BMPR2: variants seen among roughly 807,000 people sequenced by gnomAD.
BMPR2 encodes bone morphogenetic protein receptor type 2.
In BMPR2, 29 loss-of-function variants were observed where a neutral mutation model predicts 100.8. The observed-to-expected ratio is 0.29, with a 90% CI of 0.21 to 0.39. BMPR2 has a LOEUF of 0.39. BMPR2 is among the 10% of genes least tolerant of loss of function. The pLI is 1.00. For synonymous variants in BMPR2, 382 were observed against 442.3 expected, an observed-to-expected ratio of 0.86 and a Z score of 1.71; for missense variants, 1,011 against 1,274.5, an observed-to-expected ratio of 0.79 and a Z score of 3.15.
chr2:202,481,124 A>G (rs1692651579), intron 3 of BMPR2, among the ~76,000 whole-genome samples: 1 of 152,056 alleles, frequency 6.6e-6, no homozygotes, highest in African/African-American at 2.4e-5. Flanking sequence ...AAATAGAGAA[A>G]GCTGAGTTCT....
rs532155432 is a variant in BMPR2, at chr2:202,412,295, A to G, written c.76+34745A>G. 5.3e-5 allele frequency among the ~76,000 whole-genome samples: 8 copies of G among 152,314 alleles called. No homozygotes were observed. In the South Asian group the frequency reaches 1.7e-3, roughly 32 times the overall value. On this transcript the variant is annotated intron_variant, in intron 1 of 12. Coordinates refer to ENST00000374580, the MANE Select transcript of BMPR2 (RefSeq NM_001204.7). Reference sequence around the variant, plus strand: ...AAACAAAACGAAATCACCAAAATCTATCAATAAATTTCAGGTAATACTTTT... The same window carrying G: ...AAACAAAACGAAATCACCAAAATCTGTCAATAAATTTCAGGTAATACTTTT...
intron 3 of BMPR2, among the ~76,000 whole-genome samples, chr2:202,507,210 CTT>C (rs1302107602): frequency 6.6e-6 from 1 of 151,940 alleles, no homozygotes; most frequent in South Asian, 2.1e-4. Flanking sequence ...TTGGAAGAGT[CTT>C]TTCATATTCT....
chr2:202,511,080 A>G (rs1687615474), intron 3 of BMPR2, among the ~76,000 whole-genome samples: 1 of 151,104 alleles, frequency 6.6e-6, no homozygotes. Context: ...TTGTGCAACT[A>G]TTACCTCTGT....
At chr2:202,396,819 C>T (rs925916113) in intron 1 of BMPR2, among the ~76,000 whole-genome samples, 25 of 150,506 alleles carry the variant, frequency 1.7e-4, no homozygotes, top group Admixed American at 9.9e-4. Context: ...AACGGAGTTT[C>T]GGAGTTTCGC....
chr2:202,448,924 GGTGTGT>G (rs55680029), intron 1 of BMPR2, among the ~76,000 whole-genome samples: 16,106 of 142,832 alleles, frequency 0.11, 958 homozygotes, highest in African/African-American at 0.15. Context: ...GTTTAGAATT[GGTGTGT>G]GTGTGTGTGT....
At position 202,390,980 on chromosome 2, in the gene BMPR2, CTTTTTTTTTTTTT is replaced by C. The variant is rs11459505; in HGVS notation, c.76+13445_76+13457del. Among the ~76,000 whole-genome samples, 9 of 51,904 alleles carry C rather than the reference CTTTTTTTTTTTTT, an allele frequency of 1.7e-4. 1 individual carries two copies. Among genetic ancestry groups the C allele is most frequent in the South Asian group, 1.8e-3 (2 of 1,130 alleles). 34.1% of individuals were successfully genotyped at this position (51,904 alleles called of 152,430 possible). A position where few individuals can be genotyped will look rare whatever the true frequency, so the allele number is the denominator to read the frequency against. The stretch of plus-strand genomic sequence containing the variant: ...ACCAAAAATGCTTTTAGTAAGTAGT[CTTTTTTTTTTTTT>C]TTTTTTTTTTTTTTGGGAGATGGAG... On this transcript the variant is annotated intron_variant, in intron 1 of 12. Transcript: ENST00000374580.
At chr2:202,438,147 C>T (rs1476956470) in intron 1 of BMPR2, among the ~76,000 whole-genome samples, 1 of 149,656 alleles carries the variant, frequency 6.7e-6, no homozygotes, top group Non-Finnish European at 1.5e-5. Flanking sequence ...AACCCTGCCT[C>T]TACTAAAAAT....
intron 1 of BMPR2, among the ~76,000 whole-genome samples, chr2:202,455,391 A>T (rs1463958429): frequency 6.6e-6 from 1 of 152,172 alleles, no homozygotes; most frequent in Admixed American, 6.5e-5. Flanking sequence ...CTATCTAAAA[A>T]ATAAAAATAA....
At chr2:202,439,465 A>G (rs539503484) in intron 1 of BMPR2, among the ~76,000 whole-genome samples, 1 of 149,240 alleles carries the variant, frequency 6.7e-6, no homozygotes, top group African/African-American at 2.6e-5. Flanking sequence ...ACTAGAGCTA[A>G]TAAAAGTTCA....
At chr2:202,400,417 C>A (rs1441012809) in intron 1 of BMPR2, among the ~76,000 whole-genome samples, 4 of 149,958 alleles carry the variant, frequency 2.7e-5, no homozygotes, top group Non-Finnish European at 5.9e-5. Flanking sequence ...TCCAAAAGTT[C>A]TGGGAGTACA....
At chr2:202,457,568 A>G (rs1323625579) in intron 1 of BMPR2, among the ~76,000 whole-genome samples, 1 of 92,322 alleles carries the variant, frequency 1.1e-5, no homozygotes, top group Non-Finnish European at 2.2e-5. Flanking sequence ...ATATAGAGAG[A>G]GAGAGAGAGA....
In BMPR2 at chr2:202,494,973, A is replaced by C. The variant is rs139840515; in HGVS notation, c.419-18746A>C. 6.4e-3 allele frequency among the ~76,000 whole-genome samples: 972 copies of C among 152,194 alleles called. 7 individuals carry two copies. Among genetic ancestry groups the C allele is most frequent in the African/African-American group, 0.022 (928 of 41,526 alleles). ...TGATGCGGGGTGTGGCTCACTTCTT[A>C]AGTGCCCCGCTGCTCAGACCTCTAG... On this transcript the variant is annotated intron_variant, in intron 3 of 12. Coordinates refer to ENST00000374580, the MANE Select transcript of BMPR2 (RefSeq NM_001204.7).
At chr2:202,514,339 T>A (rs968713923) in intron 4 of BMPR2, among the ~76,000 whole-genome samples, 1 of 152,092 alleles carries the variant, frequency 6.6e-6, no homozygotes, top group African/African-American at 2.4e-5. Context: ...GGTTTCACCG[T>A]GTTAGCCAGG....
chr2:202,527,820 A>G (rs190935479), intron 7 of BMPR2, among the ~76,000 whole-genome samples: 1 of 152,148 alleles, frequency 6.6e-6, no homozygotes, highest in East Asian at 1.9e-4. Flanking sequence ...AAAAAAATAA[A>G]TAAATAAATA....
intron 10 of BMPR2, among the ~76,000 whole-genome samples, chr2:202,543,772 TA>T (rs1265715621): frequency 6.6e-6 from 1 of 152,220 alleles, no homozygotes; most frequent in African/African-American, 2.4e-5. Context: ...AATATTTAAA[TA>T]CAATAACGAG....
chr2:202,470,614 A>G (rs1692416559), intron 3 of BMPR2, among the ~76,000 whole-genome samples: 1 of 151,796 alleles, frequency 6.6e-6, no homozygotes. Flanking sequence ...ACAAAAAAAA[A>G]TTAGCCGGGC....
At chr2:202,415,580 G>C (rs758312395) in intron 1 of BMPR2, among the ~76,000 whole-genome samples, 3 of 152,206 alleles carry the variant, frequency 2.0e-5, no homozygotes, top group Non-Finnish European at 2.9e-5. Context: ...TACAGCTGGT[G>C]ACTTTAAGTT....
At chr2:202,403,642 T>A (rs560161845) in intron 1 of BMPR2, among the ~76,000 whole-genome samples, 1 of 152,244 alleles carries the variant, frequency 6.6e-6, no homozygotes, top group African/African-American at 2.4e-5. Flanking sequence ...TCTTTAGATT[T>A]CATATTTTTA....
rs577027219 is a variant in BMPR2, at chr2:202,500,238, C to T, written c.419-13481C>T. Among the ~76,000 whole-genome samples, 4 of 152,354 alleles carry T rather than the reference C, an allele frequency of 2.6e-5. No individual in the cohort carries two copies. In the East Asian group the frequency reaches 5.8e-4, roughly 22 times the overall value. ...CTCTCCTGTCCTGGACGACTGTCCT[C>T]AAGGTCCGTTACCATCCGAGGAATC... is the stretch of plus-strand genomic sequence containing the variant. On this transcript the variant is annotated intron_variant, in intron 3 of 12. Transcript: ENST00000374580.
Sources: allele counts gnomAD v4.1 joint callset (sites outside exome capture counted in the v4.1 genomes callset), GRCh38; gene constraint gnomAD v4.1.1; transcripts MANE v1.5; gene names NCBI Gene and HGNC (gene_info 2026-07-23, HGNC 2026-07-21).